The following ANXA10 variants were observed in gnomAD, a reference collection of about 807,000 sequenced individuals.
The protein encoded by ANXA10 is annexin A10, also known as annexin 14.
ANXA10 carries 49 observed loss-of-function variants against 53.5 expected under a neutral mutation model. The ratio of observed to expected loss-of-function variants is 0.92; its 90% CI spans 0.73 to 1.16. ANXA10 has a LOEUF of 1.16. ANXA10 is among the 50% of genes most tolerant of loss of function. The probability of loss-of-function intolerance (pLI) is 0.00; values close to 1 mark genes in which losing one functional copy is unlikely to be tolerated. For missense variants in ANXA10, 393 were observed against 394.4 expected (o/e 1.00, Z 0.03); for synonymous variants, 131 against 128.9 (o/e 1.02, Z -0.11).
intron 1 of ANXA10, among the ~76,000 whole-genome samples, chr4:168,107,679 G>A (rs552190206): frequency 2.4e-4 from 37 of 152,200 alleles, no homozygotes; most frequent in Non-Finnish European, 4.1e-4. Flanking sequence ...CAGCAAATTC[G>A]GTGTCTGCGG....
chr4:168,165,852 T>G (rs750444773), intron 6 of ANXA10, among the ~76,000 whole-genome samples: 7 of 152,018 alleles, frequency 4.6e-5, no homozygotes, highest in Admixed American at 4.6e-4. Flanking sequence ...AATTTTTGTA[T>G]TTTTAGTAGA....
At chr4:168,181,315 CG>C (rs1732238563) in intron 9 of ANXA10, among the ~76,000 whole-genome samples, 1 of 147,442 alleles carries the variant, frequency 6.8e-6, no homozygotes, top group Non-Finnish European at 1.5e-5. Context: ...GGCGTGAACC[CG>C]GGAGGCGGAG....
chr4:168,123,295 A>C (rs961119996), intron 1 of ANXA10, among the ~76,000 whole-genome samples: 1 of 149,570 alleles, frequency 6.7e-6, no homozygotes, highest in East Asian at 2.0e-4. Flanking sequence ...AAAAAAACCC[A>C]GACTTTATTT....
chr4:168,148,707 C>A (rs1470145944), intron 3 of ANXA10, among the ~76,000 whole-genome samples: 2 of 151,894 alleles, frequency 1.3e-5, no homozygotes, highest in East Asian at 3.9e-4. Context: ...ATTTGTGATT[C>A]TTAATTTATT....
At chr4:168,170,652 G>T (rs760967541) in intron 6 of ANXA10, among the ~76,000 whole-genome samples, 6 of 152,110 alleles carry the variant, frequency 3.9e-5, no homozygotes, top group Non-Finnish European at 8.8e-5. Context: ...CTTAAGTATA[G>T]TAAAATTTTC....
rs546869229 is a variant in ANXA10, at chr4:168,125,152, C to A, written c.19-2932C>A. On this transcript the variant is annotated intron_variant, in intron 1 of 11. Coordinates refer to ENST00000359299, the MANE Select transcript of ANXA10 (RefSeq NM_007193.5). ...GCAGAGGGTGAGAAATGCCTGAAGA[C>A]CTTTAGGAGAATTTAGAGCATTTAG... Among the ~76,000 whole-genome samples, 6 of 152,196 alleles carry A rather than the reference C, an allele frequency of 3.9e-5. No homozygotes were observed. In the South Asian group the frequency reaches 1.2e-3, roughly 32 times the overall value.
intron 1 of ANXA10, among the ~76,000 whole-genome samples, chr4:168,102,571 A>T (rs896648265): frequency 3.9e-5 from 6 of 152,096 alleles, no homozygotes; most frequent in African/African-American, 1.4e-4. Context: ...TGTATTAATC[A>T]TTAGTTCTGC....
At chr4:168,123,135 C>A (rs996379118) in intron 1 of ANXA10, among the ~76,000 whole-genome samples, 8 of 152,058 alleles carry the variant, frequency 5.3e-5, no homozygotes, top group African/African-American at 1.9e-4. Context: ...CCTCAAATAC[C>A]CTGAGCATGC....
intron 4 of ANXA10, among the ~76,000 whole-genome samples, chr4:168,163,222 G>A (rs899115307): frequency 6.6e-6 from 1 of 152,122 alleles, no homozygotes; most frequent in African/African-American, 2.4e-5. Context: ...TAAGTTGACT[G>A]TGGATTTGTT....
At chr4:168,119,928 C>A (rs956691396) in intron 1 of ANXA10, among the ~76,000 whole-genome samples, 4 of 151,986 alleles carry the variant, frequency 2.6e-5, no homozygotes, top group African/African-American at 9.7e-5. Context: ...TTCTTCTTTG[C>A]CACTAAGTTG....
intron 1 of ANXA10, among the ~76,000 whole-genome samples, chr4:168,105,109 C>CT (rs1271237164): frequency 8.8e-5 from 13 of 147,082 alleles, no homozygotes; most frequent in East Asian, 6.0e-4. Context: ...GATTTGGGCA[C>CT]TTTTTTTTTT....
intron 1 of ANXA10, among the ~76,000 whole-genome samples, chr4:168,095,308 A>G (rs1367972251): frequency 2.0e-5 from 3 of 151,988 alleles, no homozygotes; most frequent in Non-Finnish European, 2.9e-5. Context: ...TTCATTTCTT[A>G]GATGATACCC....
intron 5 of ANXA10, 114 bp from the exon 6 acceptor site, chr4:168,165,133 G>C (rs1731852643): frequency 2.0e-6 from 1 of 508,756 alleles, no homozygotes; most frequent in Admixed American, 3.7e-5. Context: ...TCAACAGGTG[G>C]ACTACATTTC....
At chr4:168,142,899 C>G (rs1731348336) in intron 3 of ANXA10, among the ~76,000 whole-genome samples, 1 of 152,082 alleles carries the variant, frequency 6.6e-6, no homozygotes, top group Non-Finnish European at 1.5e-5. Flanking sequence ...TACATCTTGC[C>G]AATAACACTG....
At chr4:168,110,443 T>A (rs1325640414) in intron 1 of ANXA10, among the ~76,000 whole-genome samples, 3 of 149,960 alleles carry the variant, frequency 2.0e-5, no homozygotes, top group African/African-American at 7.3e-5. Flanking sequence ...TTGTGTTAAT[T>A]CTTTTTTTTT....
At chr4:168,170,691 G>A (rs1321024334) in intron 6 of ANXA10, among the ~76,000 whole-genome samples, 2 of 151,848 alleles carry the variant, frequency 1.3e-5, no homozygotes, top group African/African-American at 4.8e-5. Flanking sequence ...AAAAAGTGTG[G>A]GTGAATCAAG....
At chr4:168,094,201 G>C (rs943359237) in intron 1 of ANXA10, among the ~76,000 whole-genome samples, 10 of 151,922 alleles carry the variant, frequency 6.6e-5, no homozygotes, top group African/African-American at 2.2e-4. Context: ...AACATTACCA[G>C]GCTAACAAGA....
chr4:168,165,660 A>T (rs956573635), intron 6 of ANXA10, among the ~76,000 whole-genome samples: 1 of 152,144 alleles, frequency 6.6e-6, no homozygotes, highest in Non-Finnish European at 1.5e-5. Context: ...AATAATTCTA[A>T]TTAGAAATAA....
chr4:168,092,797 C>T (rs941012180), intron 1 of ANXA10, 79 bp downstream of exon 1: 9 of 1,321,348 alleles, frequency 6.8e-6, no homozygotes, highest in Admixed American at 2.6e-5. Flanking sequence ...TGTTTTTTGA[C>T]GTTTTTAACA....
Sources: gnomAD v4.1 joint callset for allele counts (sites outside exome capture counted in the v4.1 genomes callset) on GRCh38, gnomAD v4.1.1 for gene constraint, MANE v1.5 for transcripts, NCBI Gene and HGNC (gene_info 2026-07-23, HGNC 2026-07-21) for gene names.